CSMD2: variants seen among roughly 807,000 people sequenced by gnomAD.
CSMD2 encodes the protein CUB and sushi domain-containing protein 2.
Under a neutral mutation model 398.5 loss-of-function variants are expected in CSMD2, and 130 were observed. The ratio of observed to expected loss-of-function variants is 0.33; its 90% CI spans 0.28 to 0.38. The LOEUF (loss-of-function observed/expected upper bound fraction) is 0.38. Among genes scored for constraint, CSMD2 ranks in the 10% least tolerant of loss-of-function variants. The pLI is 1.00. For synonymous variants in CSMD2, 1,828 were observed against 1,908.5 expected (o/e 0.96, Z 1.10); for missense variants, 3,829 against 4,764.9 (o/e 0.80, Z 5.78).
chr1:34,016,310 C>T (rs1433239541), intron 3 of CSMD2, among the ~76,000 whole-genome samples: 1 of 151,954 alleles, frequency 6.6e-6, no homozygotes, highest in Non-Finnish European at 1.5e-5. Context: ...TCCCTTTCCC[C>T]CCACCCCCAA....
chr1:33,550,122 C>T lies in CSMD2; in HGVS notation c.8917+55G>A, dbSNP rs1657297302. Reference sequence around the variant, plus strand: ...ACTCACACCTTGGGGGCTCGTCTACCTCCCATCAGTCAAGCATTCCACTGG... The same window carrying T: ...ACTCACACCTTGGGGGCTCGTCTACTTCCCATCAGTCAAGCATTCCACTGG... On this transcript the variant is annotated intron_variant, in intron 56 of 70. Transcript: ENST00000373381. 2.6e-6 allele frequency: 4 copies of T among 1,561,370 alleles called. No individual in the cohort carries two copies. The South Asian group carries it at 3.5e-5, about 14-fold the overall frequency.
intron 13 of CSMD2, 45 bp downstream of exon 13, chr1:33,772,524 C>A (rs1651419111): frequency 1.9e-6 from 3 of 1,569,030 alleles, no homozygotes; most frequent in Non-Finnish European, 1.7e-6. Flanking sequence ...CGGGCCCCTG[C>A]CTCTCAGTGA....
At chr1:33,960,667 T>C (rs1645326604) in intron 3 of CSMD2, among the ~76,000 whole-genome samples, 2 of 152,144 alleles carry the variant, frequency 1.3e-5, no homozygotes, top group Non-Finnish European at 2.9e-5. Context: ...GCATTTCCCA[T>C]GGAAACAGAG....
At chr1:33,779,569 C>T (rs569939807) in intron 12 of CSMD2, among the ~76,000 whole-genome samples, 8 of 152,324 alleles carry the variant, frequency 5.3e-5, no homozygotes, top group East Asian at 1.9e-4. Context: ...ATGGCTGTAA[C>T]GTGGCACCTG....
chr1:33,988,288 T>A (rs1646429818), intron 3 of CSMD2, among the ~76,000 whole-genome samples: 1 of 152,192 alleles, frequency 6.6e-6, no homozygotes. Context: ...CCGAGTGACA[T>A]GTGATGGCAC....
intron 7 of CSMD2, among the ~76,000 whole-genome samples, chr1:33,822,428 G>T (rs1658263433): frequency 6.6e-6 from 1 of 152,154 alleles, no homozygotes; most frequent in African/African-American, 2.4e-5. Flanking sequence ...CCTCCAGGTA[G>T]CCCAGGCTAT....
intron 2 of CSMD2, among the ~76,000 whole-genome samples, chr1:34,082,580 A>ACAG (rs1169666416): frequency 6.6e-6 from 1 of 152,238 alleles, no homozygotes; most frequent in Non-Finnish European, 1.5e-5. Flanking sequence ...GGTGTACCCA[A>ACAG]CAGCTCATTG....
chr1:33,907,853 G>A (rs1331581395), intron 5 of CSMD2, among the ~76,000 whole-genome samples: 1 of 152,092 alleles, frequency 6.6e-6, no homozygotes, highest in Admixed American at 6.5e-5. Context: ...AGACTGGGCT[G>A]GGCGTGGTGG....
chr1:33,997,192 C>G (rs538372848), intron 3 of CSMD2, among the ~76,000 whole-genome samples: 1 of 152,318 alleles, frequency 6.6e-6, no homozygotes, highest in South Asian at 2.1e-4. Flanking sequence ...TGGAAGCTGC[C>G]TGGGCAGGCT....
chr1:33,776,965 T>C (rs988863924), intron 12 of CSMD2, among the ~76,000 whole-genome samples: 3 of 151,310 alleles, frequency 2.0e-5, no homozygotes, highest in South Asian at 2.1e-4. Context: ...TGAAAGGAAG[T>C]GAGAAGGTCA....
At chr1:34,131,274 A>G (rs1265701080) in intron 1 of CSMD2, among the ~76,000 whole-genome samples, 1 of 152,232 alleles carries the variant, frequency 6.6e-6, no homozygotes, top group Non-Finnish European at 1.5e-5. Flanking sequence ...CCAATAGTGA[A>G]AGTACTAGAC....
intron 4 of CSMD2, among the ~76,000 whole-genome samples, chr1:33,922,651 C>G (rs1167277496): frequency 1.3e-5 from 2 of 152,200 alleles, no homozygotes; most frequent in Admixed American, 1.3e-4. Context: ...TCCAGACTTT[C>G]CCATCTTGGA....
intron 51 of CSMD2, 133 bp downstream of exon 51, chr1:33,571,399 A>G: frequency 3.7e-6 from 2 of 545,606 alleles, no homozygotes; most frequent in Non-Finnish European, 5.7e-6. Flanking sequence ...CTACTAGATG[A>G]GAGTTTAAAA....
intron 5 of CSMD2, among the ~76,000 whole-genome samples, chr1:33,869,716 G>A (rs1437858044): frequency 6.6e-6 from 1 of 152,174 alleles, no homozygotes; most frequent in African/African-American, 2.4e-5. Context: ...ACTCTGCGTA[G>A]GAGGCATGGC....
In CSMD2 at chr1:33,739,296, C is replaced by T. The variant is rs943322473; in HGVS notation, c.2212G>A (p.Val738Ile). The change falls in exon 15 of 71, where the codon GTA becomes ATA. Residue 738 changes from valine (V) to isoleucine (I), a missense_variant. Val to Ile is a conservative substitution (Grantham distance 29, BLOSUM62 3). Around this residue, in one of 5 missense-constraint regions of CSMD2, gnomAD observed 2,001 missense variants for 2,567.1 expected, o/e 0.78. Coordinates refer to ENST00000373381, the MANE Select transcript of CSMD2 (RefSeq NM_001281956.2). ...HNECPDPGVP[V>I]NGKRFGDSLQ... is the part of the protein sequence containing the mutation. ...CTGTCCCCAAACCGTTTGCCATTTA[C>T]TGGAACGCCAGGATCCGGGCACTCG... 3.7e-6 allele frequency: 6 copies of T among 1,613,938 alleles called. No homozygotes were observed. The highest frequency in any genetic ancestry group is 5.1e-6 in the Non-Finnish European group (6 of 1,179,976).
chr1:33,590,363 C>T (rs925632817), intron 44 of CSMD2, among the ~76,000 whole-genome samples: 2 of 141,142 alleles, frequency 1.4e-5, no homozygotes, highest in African/African-American at 5.4e-5. Context: ...GTCTCAAACT[C>T]CTGGGCTCAA....
At chr1:33,554,319 G>A (rs1257900383) in intron 55 of CSMD2, among the ~76,000 whole-genome samples, 4 of 146,644 alleles carry the variant, frequency 2.7e-5, no homozygotes, top group African/African-American at 1.0e-4. Context: ...TCAGCCTCCC[G>A]AGTAGCTGGG....
chr1:33,583,769 G>A lies in CSMD2; in HGVS notation c.7113C>T (p.Tyr2371=). The A allele has an allele frequency of 6.2e-7, 1 of 1,614,222 alleles. No homozygotes were observed. The highest frequency in any genetic ancestry group is 8.5e-7 in the Non-Finnish European group (1 of 1,180,044). The change falls in exon 47 of 71, where the codon TAC becomes TAT. Residue 2371 remains tyrosine (Y), a synonymous_variant. Transcript: ENST00000373381. ...TCTGGAACTGGGGATAGCTTCCAGGGTAGCTCTGGCTCAGGATCACGCCTG... is the reference window on the plus strand; with the variant it reads ...TCTGGAACTGGGGATAGCTTCCAGGATAGCTCTGGCTCAGGATCACGCCTG... The part of the protein sequence containing the change: ...DSTGVILSQS[Y]PGSYPQFQTC...
chr1:33,571,087 C>T (rs757542014), intron 51 of CSMD2, among the ~76,000 whole-genome samples: 35 of 152,178 alleles, frequency 2.3e-4, no homozygotes, highest in Non-Finnish European at 3.8e-4. Flanking sequence ...GGTGACCTGT[C>T]GCCTGTGCTA....
Sources: allele counts gnomAD v4.1 joint callset (sites outside exome capture counted in the v4.1 genomes callset), GRCh38; gene constraint gnomAD v4.1.1; regional missense constraint gnomAD v4.1.1; transcripts MANE v1.5; gene names NCBI Gene and HGNC (gene_info 2026-07-23, HGNC 2026-07-21).